Variants in ASPH observed in about 807,000 individuals in gnomAD.
The protein encoded by ASPH is aspartate beta-hydroxylase.
A neutral mutation model predicts 118.4 loss-of-function variants in ASPH; 100 were observed. The observed-to-expected ratio is 0.84, with a 90% CI of 0.72 to 1.00. The LOEUF (loss-of-function observed/expected upper bound fraction) is 1.00. ASPH is among the 50% of genes least tolerant of loss of function. The probability of loss-of-function intolerance (pLI) is 0.00; values close to 1 mark genes in which losing one functional copy is unlikely to be tolerated. For missense variants in ASPH, 920 were observed against 919.5 expected (o/e 1.00, Z -0.01); for synonymous variants, 315 against 325.6 (o/e 0.97, Z 0.35).
chr8:61,576,574 T>C (rs1193914298), intron 16 of ASPH, 198 bp downstream of exon 16: 3 of 476,408 alleles, frequency 6.3e-6, no homozygotes, highest in East Asian at 3.3e-5. Flanking sequence ...AGAAGTCATA[T>C]GGAGGGGGAG....
intron 3 of ASPH, chr8:61,676,299 T>C (rs1475196070): frequency 1.3e-6 from 2 of 1,585,988 alleles, no homozygotes; most frequent in Non-Finnish European, 8.5e-7. Context: ...ATATTTTCAT[T>C]ACTGCCATCT....
intron 24 of ASPH, among the ~76,000 whole-genome samples, chr8:61,509,405 G>C (rs987971327): frequency 2.6e-5 from 4 of 152,198 alleles, no homozygotes; most frequent in Admixed American, 2.6e-4. Flanking sequence ...AGATCACATA[G>C]GGTAATCTCC....
intron 5 of ASPH, among the ~76,000 whole-genome samples, chr8:61,647,990 C>A (rs1216225129): frequency 6.6e-6 from 1 of 152,086 alleles, no homozygotes; most frequent in Admixed American, 6.6e-5. Flanking sequence ...AGTGAATGGG[C>A]AGGACTTGGC....
At chr8:61,638,139 G>T in intron 11 of ASPH, 136 bp from the exon 12 acceptor site, 1 of 1,142,852 alleles carries the variant, frequency 8.8e-7, no homozygotes, top group South Asian at 1.5e-5. Context: ...TTTTAAACTG[G>T]GTCTTCTGCA....
intron 14 of ASPH, among the ~76,000 whole-genome samples, chr8:61,613,501 C>T (rs1848103435): frequency 1.3e-5 from 2 of 152,144 alleles, no homozygotes; most frequent in African/African-American, 4.8e-5. Context: ...GGTCATGGTT[C>T]CTACTCTTAA....
chr8:61,520,805 C>T (rs1484432762), intron 22 of ASPH, among the ~76,000 whole-genome samples: 1 of 152,178 alleles, frequency 6.6e-6, no homozygotes, highest in African/African-American at 2.4e-5. Context: ...GGAGTTCTCA[C>T]AAGCACCAGG....
intron 19 of ASPH, 128 bp downstream of exon 19, chr8:61,555,796 A>T: frequency 1.3e-6 from 1 of 770,008 alleles, no homozygotes; most frequent in Non-Finnish European, 2.1e-6. Flanking sequence ...TCATGGTCTG[A>T]GGGTGGACAT....
In ASPH at chr8:61,562,381, A is replaced by G. The variant is rs544108379; in HGVS notation, c.1437+363T>C. ...GCCAAAAAAAAAAAAAAAAAAAGGA[A>G]AGTGTGTCTGTGTGTGTGTGTGTGT... On this transcript the variant is annotated intron_variant, in intron 18 of 24. Coordinates refer to ENST00000379454, the MANE Select transcript of ASPH (RefSeq NM_004318.4). Among the ~76,000 whole-genome samples, 110 of 38,568 alleles carry G rather than the reference A, an allele frequency of 2.9e-3. 1 individual carries two copies. The East Asian group carries it at 0.057, about 20-fold the overall frequency. The allele number at this position is 38,568 out of a possible 152,430, so 25.3% of individuals were successfully genotyped here. A position where few individuals can be genotyped will look rare whatever the true frequency, so the allele number is the denominator to read the frequency against.
chr8:61,520,422 T>A (rs1812508002), intron 22 of ASPH, among the ~76,000 whole-genome samples: 1 of 152,184 alleles, frequency 6.6e-6, no homozygotes, highest in Non-Finnish European at 1.5e-5. Flanking sequence ...CCTAAGATAA[T>A]CACATACTGA....
chr8:61,551,532 G>T (rs1485017549), intron 20 of ASPH, among the ~76,000 whole-genome samples: 1 of 152,184 alleles, frequency 6.6e-6, no homozygotes, highest in Admixed American at 6.5e-5. Context: ...TGATAATTAA[G>T]TTGGTAGAAC....
intron 9 of ASPH, among the ~76,000 whole-genome samples, 200 bp downstream of exon 9, chr8:61,643,186 A>T (rs1806107861): frequency 1.3e-5 from 2 of 152,194 alleles, no homozygotes; most frequent in Admixed American, 1.3e-4. Flanking sequence ...TTTGTTATGG[A>T]ATGGTTAGTT....
At chr8:61,554,428 T>C (rs183587108) in intron 19 of ASPH, among the ~76,000 whole-genome samples, 1 of 152,350 alleles carries the variant, frequency 6.6e-6, no homozygotes, top group African/African-American at 2.4e-5. Flanking sequence ...GGATCTCTGA[T>C]TTAAGTCATG....
intron 1 of ASPH, among the ~76,000 whole-genome samples, chr8:61,686,805 T>A (rs185467391): frequency 6.6e-6 from 1 of 152,318 alleles, no homozygotes; most frequent in East Asian, 1.9e-4. Context: ...TGGGTTCTTG[T>A]CTTATGTCCT....
chr8:61,585,994 TATTATA>T (rs1407367643), intron 14 of ASPH, among the ~76,000 whole-genome samples: 5 of 152,234 alleles, frequency 3.3e-5, no homozygotes, highest in African/African-American at 1.2e-4. Context: ...ACCTGAGAGC[TATTATA>T]ATAATGGCTA....
intron 1 of ASPH, among the ~76,000 whole-genome samples, chr8:61,699,761 A>G (rs1834800657): frequency 6.6e-6 from 1 of 152,240 alleles, no homozygotes; most frequent in African/African-American, 2.4e-5. Context: ...AAAAATTTCT[A>G]AGAGAGATAT....
chr8:61,597,975 G>C (rs1324339859), intron 14 of ASPH, among the ~76,000 whole-genome samples: 1 of 152,086 alleles, frequency 6.6e-6, no homozygotes, highest in East Asian at 1.9e-4. Flanking sequence ...AGAGCAGACA[G>C]ACAAATGAGA....
intron 14 of ASPH, among the ~76,000 whole-genome samples, chr8:61,616,752 C>A (rs1849170852): frequency 6.6e-6 from 1 of 152,184 alleles, no homozygotes; most frequent in South Asian, 2.1e-4. Context: ...CCTGGGACAC[C>A]TTCTTCCCTA....
intron 1 of ASPH, among the ~76,000 whole-genome samples, chr8:61,697,276 A>G (rs192369321): frequency 1.3e-5 from 2 of 152,206 alleles, no homozygotes; most frequent in Non-Finnish European, 2.9e-5. Context: ...GGAAAACTCT[A>G]TATTTTCTCC....
chr8:61,683,487 C>G (rs1023473545), intron 2 of ASPH: 2 of 152,144 alleles, frequency 1.3e-5, no homozygotes, highest in African/African-American at 4.8e-5. Context: ...TTCCTCAGAA[C>G]AGCACACAGA....
Sources: gnomAD v4.1 joint callset for allele counts (sites outside exome capture counted in the v4.1 genomes callset) on GRCh38, gnomAD v4.1.1 for gene constraint, MANE v1.5 for transcripts, NCBI Gene and HGNC (gene_info 2026-07-23, HGNC 2026-07-21) for gene names.